MYOF: variants seen among roughly 807,000 people sequenced by gnomAD.
The protein encoded by MYOF is fer-1-like 3, myoferlin.
In MYOF, 244 loss-of-function variants were observed where a neutral mutation model predicts 284.2. That is an observed-to-expected ratio of 0.86 (90% confidence interval 0.77 to 0.95). The LOEUF (loss-of-function observed/expected upper bound fraction) is 0.95, where lower values mean the gene tolerates loss of function less well. Among genes scored for constraint, MYOF ranks in the 40% least tolerant of loss-of-function variants. The pLI, the probability that MYOF is intolerant of heterozygous loss-of-function variation, is 0.00. For synonymous variants in MYOF, 904 were observed against 919.7 expected (o/e 0.98, Z 0.31); for missense variants, 2,496 against 2,560.6 (o/e 0.97, Z 0.54).
chr10:93,405,306 C>T lies in MYOF; in HGVS notation c.730-1087G>A, dbSNP rs371192891. On this transcript the variant is annotated intron_variant, in intron 7 of 53. Transcript: ENST00000359263. ...TTTCAAATTTCTCCAATCATCCCTA[C>T]AAAAAAACTTTAGCTTTTCAAAGAA... Among the ~76,000 whole-genome samples, 8 of 152,290 alleles carry T rather than the reference C, an allele frequency of 5.3e-5. No homozygotes were observed. The South Asian group carries it at 1.7e-3, about 32-fold the overall frequency.
intron 44 of MYOF, among the ~76,000 whole-genome samples, chr10:93,329,297 C>A (rs987388974): frequency 2.6e-5 from 4 of 152,110 alleles, no homozygotes; most frequent in Admixed American, 1.3e-4. Context: ...AAGTAGAGGG[C>A]ACAAAGAATC....
intron 4 of MYOF, among the ~76,000 whole-genome samples, chr10:93,429,327 A>G (rs1425475843): frequency 6.6e-6 from 1 of 152,116 alleles, no homozygotes; most frequent in East Asian, 1.9e-4. Context: ...ATGCTTGTAC[A>G]GCCTGCAGAA....
chr10:93,323,716 C>T (rs530160905), intron 46 of MYOF: 25 of 227,442 alleles, frequency 1.1e-4, no homozygotes, highest in Middle Eastern at 3.2e-3. Context: ...CACACACACG[C>T]GCGTGCGCGC....
rs543507631 is a variant in MYOF, at chr10:93,457,212, T to C, written c.89-275A>G. On this transcript the variant is annotated intron_variant, in intron 1 of 53. Coordinates refer to ENST00000359263, the MANE Select transcript of MYOF (RefSeq NM_013451.4). ...AGGCTACCCAGAGCCTCTGCATCTC[T>C]GGCTTGCTGCAGAAAGAAGCCAACA... is the stretch of plus-strand genomic sequence containing the variant. Among the ~76,000 whole-genome samples, 7 of 152,350 alleles carry C rather than the reference T, an allele frequency of 4.6e-5. No individual in the cohort carries two copies. The East Asian group carries it at 1.3e-3, about 29-fold the overall frequency.
intron 3 of MYOF, among the ~76,000 whole-genome samples, chr10:93,441,390 CTT>C (rs1300303198): frequency 6.9e-6 from 1 of 145,320 alleles, no homozygotes. Flanking sequence ...TAGTACATTT[CTT>C]TTTTTTTTTG....
intron 19 of MYOF, among the ~76,000 whole-genome samples, chr10:93,384,994 T>C (rs1846296695): frequency 6.6e-6 from 1 of 152,200 alleles, no homozygotes; most frequent in South Asian, 2.1e-4. Context: ...GAAGGTGCTG[T>C]TTCTAGCAAT....
intron 1 of MYOF, among the ~76,000 whole-genome samples, chr10:93,465,482 A>T (rs2134362747): frequency 6.7e-6 from 1 of 150,118 alleles, no homozygotes; most frequent in East Asian, 2.0e-4. Flanking sequence ...AACAAATGAG[A>T]GCTATCAGAT....
Position 93,381,399 on chromosome 10 carries a change from A to G in MYOF, c.1699-3T>C. 1.9e-6 allele frequency: 3 copies of G among 1,614,108 alleles called. No homozygotes were observed. The highest frequency in any genetic ancestry group is 2.5e-6 in the Non-Finnish European group (3 of 1,179,974). The stretch of plus-strand genomic sequence containing the variant: ...TACTTCCGCCTTCGCTGGTATTTCT[A>G]TAAAGTATGAGCAGACATAAGGTTC... On this transcript the variant is annotated splice_polypyrimidine_tract_variant and splice_region_variant and intron_variant, in intron 19 of 53. Coordinates refer to ENST00000359263, the MANE Select transcript of MYOF (RefSeq NM_013451.4).
chr10:93,424,551 A>G (rs1442168271), intron 5 of MYOF, among the ~76,000 whole-genome samples: 1 of 152,174 alleles, frequency 6.6e-6, no homozygotes, highest in East Asian at 1.9e-4. Flanking sequence ...TCCAAAGCCA[A>G]GTAGAATGCT....
rs147134210 is a variant in MYOF, at chr10:93,354,790, A to G, written c.3403+838T>C. ...CAAATCTCTCTAGTGCTTACAAGCC[A>G]TAAGACTTTGGGCAAGTTATTTAAT... On this transcript the variant is annotated intron_variant, in intron 31 of 53. Transcript: ENST00000359263. 3.2e-3 allele frequency among the ~76,000 whole-genome samples: 492 copies of G among 152,136 alleles called. 4 individuals are homozygous for G. Among genetic ancestry groups the G allele is most frequent in the African/African-American group, 0.011 (473 of 41,506 alleles).
chr10:93,329,110 G>GTATT (rs896361697), intron 44 of MYOF, among the ~76,000 whole-genome samples, 199 bp from the exon 45 acceptor site: 56 of 152,176 alleles, frequency 3.7e-4, no homozygotes, highest in African/African-American at 1.3e-3. Context: ...AGAAACAAAT[G>GTATT]TATTTATTTA....
chr10:93,376,451 T>C lies in MYOF; in HGVS notation c.2108+872A>G, dbSNP rs999179103. Among the ~76,000 whole-genome samples the C allele has an allele frequency of 1.1e-4, 17 of 152,138 alleles. 1 individual carries two copies. Among genetic ancestry groups the C allele is most frequent in the Admixed American group, 1.1e-3 (17 of 15,266 alleles). ...GGCCTCTGTTTTCTCATTTACAAGA[T>C]AAGGAGACTGAAGGACATGATCCCT... On this transcript the variant is annotated intron_variant, in intron 22 of 53. Transcript: ENST00000359263.
At chr10:93,331,602 G>A (rs887645542) in intron 43 of MYOF, among the ~76,000 whole-genome samples, 1 of 151,684 alleles carries the variant, frequency 6.6e-6, no homozygotes, top group Non-Finnish European at 1.5e-5. Context: ...CTCGGGGCTG[G>A]ATCAGTGGAA....
intron 4 of MYOF, 128 bp from the exon 5 acceptor site, chr10:93,426,286 G>T: frequency 1.2e-6 from 1 of 853,072 alleles, no homozygotes; most frequent in Non-Finnish European, 1.8e-6. Flanking sequence ...AGGTAAGCGA[G>T]GCTGGAAACG....
At chr10:93,449,400 A>G (rs1431522057) in intron 3 of MYOF, among the ~76,000 whole-genome samples, 1 of 152,178 alleles carries the variant, frequency 6.6e-6, no homozygotes, top group Non-Finnish European at 1.5e-5. Flanking sequence ...CAGTGGTACC[A>G]TTTGCAGAAA....
At chr10:93,409,170 G>A (rs1027585717) in intron 6 of MYOF, among the ~76,000 whole-genome samples, 1 of 152,178 alleles carries the variant, frequency 6.6e-6, no homozygotes, top group African/African-American at 2.4e-5. Flanking sequence ...GGAAAGGGCA[G>A]GGCAGGTGGA....
chr10:93,372,286 A>G (rs1845629527), intron 24 of MYOF, among the ~76,000 whole-genome samples: 1 of 152,140 alleles, frequency 6.6e-6, no homozygotes. Flanking sequence ...TTGATTCCCC[A>G]TATACACACA....
At chr10:93,474,837 C>A (rs1422424805) in intron 1 of MYOF, among the ~76,000 whole-genome samples, 1 of 151,654 alleles carries the variant, frequency 6.6e-6, no homozygotes, top group African/African-American at 2.4e-5. Flanking sequence ...ACCTTCACCT[C>A]CCGAGTTCAA....
intron 29 of MYOF, among the ~76,000 whole-genome samples, chr10:93,358,220 A>G (rs1209968975): frequency 6.6e-6 from 1 of 152,224 alleles, no homozygotes; most frequent in Non-Finnish European, 1.5e-5. Flanking sequence ...ACGGATCACT[A>G]GAGAAATGCA....
Sources: allele counts gnomAD v4.1 joint callset (sites outside exome capture counted in the v4.1 genomes callset), GRCh38; gene constraint gnomAD v4.1.1; transcripts MANE v1.5; gene names NCBI Gene and HGNC (gene_info 2026-07-23, HGNC 2026-07-21).